Variants in SAP30BP observed in about 807,000 individuals in gnomAD.
SAP30BP encodes the protein SAP30-binding protein.
SAP30BP carries 31 observed loss-of-function variants against 46.3 expected under a neutral mutation model. That is an observed-to-expected ratio of 0.67 (90% CI 0.50 to 0.90). SAP30BP has a LOEUF of 0.90. Ranked by LOEUF, SAP30BP falls within the 40% of genes least tolerant of loss-of-function variation. The pLI, the probability that SAP30BP is intolerant of heterozygous loss-of-function variation, is 0.00. For missense variants in SAP30BP, 312 were observed against 391.0 expected (o/e 0.80, Z 1.70); for synonymous variants, 169 against 144.2 (o/e 1.17, Z -1.23).
rs1342826365 is a variant in SAP30BP, at chr17:75,691,351, AAATACTTC to A, written c.265-2088_265-2081del. On this transcript the variant is annotated intron_variant, in intron 3 of 10. Coordinates refer to ENST00000584667, the MANE Select transcript of SAP30BP (RefSeq NM_013260.8). ...AGGAAAAAAATAAAATAAAGGGATAAAATACTTCCTGTGATTTTGCCCCATCATCTCTT... is the reference window on the plus strand; with the variant it reads ...AGGAAAAAAATAAAATAAAGGGATAACTGTGATTTTGCCCCATCATCTCTT... 1.1e-5 allele frequency: 5 copies of A among 447,270 alleles called. No individual in the cohort carries two copies. The East Asian group carries it at 3.5e-4, about 31-fold the overall frequency. The allele number at this position is 447,270 out of a possible 1,614,324, so 27.7% of individuals were successfully genotyped here.
chr17:75,678,755 G>A (rs1231408824), intron 3 of SAP30BP, among the ~76,000 whole-genome samples: 2 of 152,160 alleles, frequency 1.3e-5, no homozygotes, highest in Non-Finnish European at 2.9e-5. Flanking sequence ...CATCACCTGA[G>A]GGAAAGGTAG....
chr17:75,682,920 G>A (rs771990112), intron 3 of SAP30BP, among the ~76,000 whole-genome samples: 6 of 138,420 alleles, frequency 4.3e-5, no homozygotes, highest in Non-Finnish European at 9.1e-5. Context: ...CTGAGATCAC[G>A]CCACTGCACT....
At chr17:75,693,407 T>A in intron 3 of SAP30BP, 33 bp from the exon 4 acceptor site, 1 of 1,602,288 alleles carries the variant, frequency 6.2e-7, no homozygotes, top group Non-Finnish European at 8.6e-7. Context: ...GGAGCCCCAG[T>A]CTTACCTCCT....
At chr17:75,673,176 AGT>A (rs1390840734) in intron 3 of SAP30BP, among the ~76,000 whole-genome samples, 1 of 152,150 alleles carries the variant, frequency 6.6e-6, no homozygotes, top group Non-Finnish European at 1.5e-5. Context: ...GAAAGATAAG[AGT>A]GTGTTTTACC....
chr17:75,674,176 A>C (rs1448744722), intron 3 of SAP30BP, among the ~76,000 whole-genome samples: 1 of 151,968 alleles, frequency 6.6e-6, no homozygotes, highest in Non-Finnish European at 1.5e-5. Context: ...TGATACTCTT[A>C]TCTTAGTCCT....
At chr17:75,700,657 TG>T (rs1356531949) in intron 5 of SAP30BP, among the ~76,000 whole-genome samples, 1 of 152,190 alleles carries the variant, frequency 6.6e-6, no homozygotes, top group Non-Finnish European at 1.5e-5. Context: ...AGAGCAGGAC[TG>T]GGGGTGCAGC....
chr17:75,680,715 T>C (rs2060063877), intron 3 of SAP30BP, among the ~76,000 whole-genome samples: 2 of 152,174 alleles, frequency 1.3e-5, no homozygotes, highest in Non-Finnish European at 2.9e-5. Context: ...TCTCCATAGT[T>C]TTTCACAGAC....
At chr17:75,702,233 C>T (rs1433662686) in intron 5 of SAP30BP, among the ~76,000 whole-genome samples, 1 of 152,118 alleles carries the variant, frequency 6.6e-6, no homozygotes, top group Non-Finnish European at 1.5e-5. Flanking sequence ...AACATGTGGG[C>T]CAGGATGGTC....
At chr17:75,685,934 G>A (rs937208574) in intron 3 of SAP30BP, among the ~76,000 whole-genome samples, 2 of 118,500 alleles carry the variant, frequency 1.7e-5, no homozygotes, top group African/African-American at 5.1e-5. Flanking sequence ...AAATCTTGAA[G>A]TGTCTTGAAT....
At chr17:75,683,573 T>C (rs1394129390) in intron 3 of SAP30BP, 3 of 152,202 alleles carry the variant, frequency 2.0e-5, no homozygotes, top group Non-Finnish European at 4.4e-5. Flanking sequence ...AATTGAATGC[T>C]ATGTCTGCAG....
chr17:75,688,974 T>C (rs1184329619), intron 3 of SAP30BP, among the ~76,000 whole-genome samples: 1 of 152,062 alleles, frequency 6.6e-6, no homozygotes, highest in Non-Finnish European at 1.5e-5. Context: ...CGCCTCCTGC[T>C]CTGGTTGTTG....
intron 3 of SAP30BP, among the ~76,000 whole-genome samples, chr17:75,675,999 G>A (rs2059984566): frequency 6.6e-6 from 1 of 152,184 alleles, no homozygotes. Flanking sequence ...AATGCAAAGA[G>A]TGGCACTGTG....
intron 4 of SAP30BP, among the ~76,000 whole-genome samples, chr17:75,698,122 G>C (rs892846565): frequency 6.6e-6 from 1 of 152,224 alleles, no homozygotes; most frequent in Non-Finnish European, 1.5e-5. Flanking sequence ...TTGTCCCAGC[G>C]ATCCAAAGCA....
At chr17:75,703,210 A>G (rs2060440822) in intron 6 of SAP30BP, 101 bp from the exon 7 acceptor site, 1 of 1,111,992 alleles carries the variant, frequency 9.0e-7, no homozygotes. Context: ...GCTGGATTTA[A>G]AAGTTGTGAA....
At chr17:75,671,736 G>C (rs1253985339) in intron 2 of SAP30BP, 80 bp from the exon 3 acceptor site, 1 of 1,094,126 alleles carries the variant, frequency 9.1e-7, no homozygotes, top group Non-Finnish European at 1.4e-6. Flanking sequence ...TGGGCTGTTT[G>C]CTCCGGCCCC....
chr17:75,703,939 G>A (rs1004281574), intron 8 of SAP30BP, 80 bp downstream of exon 8: 42 of 1,068,126 alleles, frequency 3.9e-5, no homozygotes, highest in Admixed American at 1.0e-4. Context: ...TTATCCAGGT[G>A]ACACATATTT....
At chr17:75,705,496 TG>T in intron 9 of SAP30BP, 1 of 412,420 alleles carries the variant, frequency 2.4e-6, no homozygotes, top group Non-Finnish European at 3.3e-6. Flanking sequence ...CTGGAGGTGC[TG>T]GCTGCTGGGC....
chr17:75,706,718 C>T lies in SAP30BP; in HGVS notation c.*197C>T, dbSNP rs1013298183. The T allele has an allele frequency of 7.8e-5, 46 of 589,156 alleles. No homozygotes were observed. The highest frequency in any genetic ancestry group is 1.4e-4 in the Non-Finnish European group (45 of 332,196). 36.5% of individuals were successfully genotyped at this position (589,156 alleles called of 1,614,324 possible). A position where few individuals can be genotyped will look rare whatever the true frequency, so the allele number is the denominator to read the frequency against. On this transcript the variant is annotated 3_prime_UTR_variant, in exon 11 of 11. Coordinates refer to ENST00000584667, the MANE Select transcript of SAP30BP (RefSeq NM_013260.8). This position sits in a 1 kb window ranked among gnomAD's most constrained non-coding sequence, Gnocchi z 4.6. The stretch of plus-strand genomic sequence containing the variant: ...CTGTGGACAGGGTCTGTCCACGCAC[C>T]ACCTGGGGTCTGCCGCCTATTAAAA...
At chr17:75,692,649 G>A (rs1280465222) in intron 3 of SAP30BP, 2 of 311,054 alleles carry the variant, frequency 6.4e-6, no homozygotes, top group Admixed American at 1.3e-4. Flanking sequence ...CTACAGAACA[G>A]TGAAATCCAG....
Sources: gnomAD v4.1 joint callset for allele counts (sites outside exome capture counted in the v4.1 genomes callset) on GRCh38, gnomAD v4.1.1 for gene constraint, Gnocchi (gnomAD v3.1) non-coding constraint, MANE v1.5 for transcripts, NCBI Gene and HGNC (gene_info 2026-07-23, HGNC 2026-07-21) for gene names.